The following CCDC125 variants were observed in gnomAD, a reference collection of about 807,000 sequenced individuals.
CCDC125 encodes coiled-coil domain containing 125, also known as coiled-coil domain-containing protein 125.
A neutral mutation model predicts 57.4 loss-of-function variants in CCDC125; 43 were observed. That is an observed-to-expected ratio of 0.75 (90% confidence interval 0.59 to 0.97). CCDC125 has a LOEUF of 0.97. Ranked by LOEUF, CCDC125 falls within the 50% of genes least tolerant of loss-of-function variation. The probability of loss-of-function intolerance (pLI) is 0.00; values close to 1 mark genes in which losing one functional copy is unlikely to be tolerated. For missense variants in CCDC125, 563 were observed against 595.7 expected (o/e 0.95, Z 0.57); for synonymous variants, 187 against 195.2 (o/e 0.96, Z 0.35).
At chr5:69,330,186 T>C (rs991018265) in intron 1 of CCDC125, among the ~76,000 whole-genome samples, 1 of 152,196 alleles carries the variant, frequency 6.6e-6, no homozygotes, top group Non-Finnish European at 1.5e-5. Flanking sequence ...ATATCTGTCC[T>C]CTAAGGCTCT....
chr5:69,287,543 G>A (rs1561407020), intron 10 of CCDC125, among the ~76,000 whole-genome samples: 1 of 151,070 alleles, frequency 6.6e-6, no homozygotes, highest in Non-Finnish European at 1.5e-5. Flanking sequence ...GATTACAGGC[G>A]TGCCACTGCA....
chr5:69,327,226 T>C (rs956161063), intron 1 of CCDC125, among the ~76,000 whole-genome samples: 37 of 151,624 alleles, frequency 2.4e-4, no homozygotes, highest in African/African-American at 8.2e-4. Flanking sequence ...TCCTGAGCGG[T>C]TGGGACTACA....
rs1752568763 is a variant in CCDC125, at chr5:69,282,435, G to T, written c.*294C>A. On this transcript the variant is annotated 3_prime_UTR_variant, in exon 12 of 12. Transcript: ENST00000396496. Reference sequence around the variant, plus strand: ...AAATTAGCTGGGCGTGGTGGCACATGCCTGTAATCCGAGTTACTCGGGAGG... The same window carrying T: ...AAATTAGCTGGGCGTGGTGGCACATTCCTGTAATCCGAGTTACTCGGGAGG... 8.2e-6 allele frequency: 2 copies of T among 243,412 alleles called. No individual in the cohort carries two copies. Among genetic ancestry groups the T allele is most frequent in the Non-Finnish European group, 1.6e-5 (2 of 128,242 alleles). The allele number at this position is 243,412 out of a possible 1,614,324, so 15.1% of individuals were successfully genotyped here. A position where few individuals can be genotyped will look rare whatever the true frequency, so the allele number is the denominator to read the frequency against.
At chr5:69,285,518 T>C in intron 10 of CCDC125, 51 bp from the exon 11 acceptor site, 3 of 1,543,364 alleles carry the variant, frequency 1.9e-6, no homozygotes, top group South Asian at 2.4e-5. Flanking sequence ...TCCTCACTGA[T>C]ATACTTCCAG....
At chr5:69,307,780 A>C in intron 5 of CCDC125, 171 bp downstream of exon 5, 1 of 595,274 alleles carries the variant, frequency 1.7e-6, no homozygotes, top group Non-Finnish European at 3.0e-6. Context: ...TTCATTGTGC[A>C]CATGACAATC....
At chr5:69,309,422 T>C (rs563212022) in intron 4 of CCDC125, 1 of 152,372 alleles carries the variant, frequency 6.6e-6, no homozygotes, top group South Asian at 2.1e-4. Flanking sequence ...AAGGTACAGC[T>C]CCGTCTGTGA....
At chr5:69,303,361 CTTTTTTTTTTTTTTT>C (rs1003180857) in intron 7 of CCDC125, among the ~76,000 whole-genome samples, 1 of 100,516 alleles carries the variant, frequency 9.9e-6, no homozygotes, top group Admixed American at 1.2e-4. Context: ...GAATTGTTCA[CTTTTTTTTTTTTTTT>C]TTTTTTGAGA....
At chr5:69,320,733 G>A in intron 1 of CCDC125, 153 bp from the exon 2 acceptor site, 1 of 599,700 alleles carries the variant, frequency 1.7e-6, no homozygotes, top group Non-Finnish European at 2.9e-6. Context: ...CCAAGATATG[G>A]AATCAACCTA....
chr5:69,312,475 A>G (rs2150527054), intron 3 of CCDC125, among the ~76,000 whole-genome samples: 1 of 152,338 alleles, frequency 6.6e-6, no homozygotes, highest in South Asian at 2.1e-4. Flanking sequence ...CCCAAAGGAC[A>G]GACACCCCTC....
intron 2 of CCDC125, among the ~76,000 whole-genome samples, chr5:69,315,802 T>G (rs1222029232): frequency 6.6e-6 from 1 of 150,958 alleles, no homozygotes; most frequent in Admixed American, 6.6e-5. Flanking sequence ...AACCTAAATT[T>G]AATTTCTTTC....
intron 8 of CCDC125, among the ~76,000 whole-genome samples, chr5:69,297,045 G>A (rs72767878): frequency 0.015 from 2,353 of 152,186 alleles, 38 homozygotes; most frequent in Non-Finnish European, 0.02. Context: ...ACAACATAGC[G>A]TGCCATATAT....
chr5:69,273,241 G>T, the CCDC125 span, among the ~76,000 whole-genome samples: 1 of 152,058 alleles, frequency 6.6e-6, no homozygotes, highest in South Asian at 2.1e-4. Flanking sequence ...TGCACACAGA[G>T]ATACAGGAGA....
chr5:69,274,404 G>A, the CCDC125 span, among the ~76,000 whole-genome samples: 1 of 152,168 alleles, frequency 6.6e-6, no homozygotes, highest in Admixed American at 6.5e-5. Context: ...GGAGGTGAAG[G>A]AGCAAGGATA....
chr5:69,300,011 C>T lies in CCDC125; in HGVS notation c.816+1G>A. On this transcript the variant is annotated splice_donor_variant, in intron 8 of 11. Coordinates refer to ENST00000396496, the MANE Select transcript of CCDC125 (RefSeq NM_176816.5). LOFTEE classifies it high-confidence loss of function. ...TTCAGCTTTCCTGCATGCTTACCTA[C>T]CTCAAGACCTGAAGCCTCTGCAAAG... is the stretch of plus-strand genomic sequence containing the variant. The T allele has an allele frequency of 6.2e-7, 1 of 1,610,426 alleles. No homozygotes were observed. The highest frequency in any genetic ancestry group is 8.5e-7 in the Non-Finnish European group (1 of 1,176,628).
chr5:69,291,968 CTGTTA>C (rs1279496651), intron 10 of CCDC125, among the ~76,000 whole-genome samples: 8 of 152,110 alleles, frequency 5.3e-5, no homozygotes, highest in African/African-American at 1.9e-4. Context: ...ATAAATATTC[CTGTTA>C]TGTTATGGTT....
intron 8 of CCDC125, among the ~76,000 whole-genome samples, chr5:69,297,246 G>T (rs892136434): frequency 2.0e-5 from 3 of 151,922 alleles, no homozygotes; most frequent in Admixed American, 2.0e-4. Flanking sequence ...TCACCATGGT[G>T]GTCAGGCTGG....
intron 9 of CCDC125, 135 bp downstream of exon 9, chr5:69,294,658 A>G: frequency 5.6e-6 from 4 of 715,034 alleles, no homozygotes; most frequent in Non-Finnish European, 7.3e-6. Flanking sequence ...AGTTGATGCT[A>G]TCACATAAAA....
chr5:69,294,737 T>G (rs934419783), intron 9 of CCDC125, 56 bp downstream of exon 9: 54 of 1,240,622 alleles, frequency 4.4e-5, no homozygotes, highest in Non-Finnish European at 5.8e-5. Flanking sequence ...TTCCATTTAT[T>G]CTACTATTAA....
At position 69,281,806 on chromosome 5, in the gene CCDC125, T is replaced by C. The variant is rs1752499238; in HGVS notation, c.*923A>G. 6.6e-6 allele frequency: 1 copy of C among 152,150 alleles called. No individual in the cohort carries two copies. Among genetic ancestry groups the C allele is most frequent in the African/African-American group, 2.4e-5 (1 of 41,426 alleles). 9.4% of individuals were successfully genotyped at this position (152,150 alleles called of 1,614,324 possible). A position where few individuals can be genotyped will look rare whatever the true frequency, so the allele number is the denominator to read the frequency against. ...TGATTTAGCCAAGCTAAGATCCCTA[T>C]AGTCAATCAAAATAGTTAAATAATT... On this transcript the variant is annotated 3_prime_UTR_variant, in exon 12 of 12. Coordinates refer to ENST00000396496, the MANE Select transcript of CCDC125 (RefSeq NM_176816.5).
Sources: gnomAD v4.1 joint callset for allele counts (sites outside exome capture counted in the v4.1 genomes callset) on GRCh38, gnomAD v4.1.1 for gene constraint, MANE v1.5 for transcripts, NCBI Gene and HGNC (gene_info 2026-07-23, HGNC 2026-07-21) for gene names.